IGF1R: variants seen among roughly 807,000 people sequenced by gnomAD.
IGF1R encodes the protein insulin like growth factor 1 receptor.
Under a neutral mutation model 144.6 loss-of-function variants are expected in IGF1R, and 44 were observed. The observed-to-expected ratio is 0.30, with a 90% CI of 0.24 to 0.39. IGF1R has a LOEUF of 0.39. Among genes scored for constraint, IGF1R ranks in the 10% least tolerant of loss-of-function variants. The pLI, the probability that IGF1R is intolerant of heterozygous loss-of-function variation, is 1.00. For synonymous variants in IGF1R, 795 were observed against 722.8 expected (o/e 1.10, Z -1.60); for missense variants, 1,355 against 1,833.7 (o/e 0.74, Z 4.77).
intron 1 of IGF1R, among the ~76,000 whole-genome samples, chr15:98,650,197 G>T (rs559022826): frequency 6.6e-6 from 1 of 152,176 alleles, no homozygotes; most frequent in Admixed American, 6.5e-5. Context: ...GCCCTCGAGG[G>T]GGGAGGTGCC....
In IGF1R at chr15:98,959,225, C is replaced by T. The variant is rs34756950; in HGVS notation, c.*1783C>T. 1.1e-4 allele frequency: 26 copies of T among 233,458 alleles called. No homozygotes were observed. The highest frequency in any genetic ancestry group is 1.9e-4 in the Non-Finnish European group (22 of 117,980). The allele number at this position is 233,458 out of a possible 1,614,324, so 14.5% of individuals were successfully genotyped here. ...TATATATTTTTTTAATTCTTGGGTA[C>T]AACAGCAGTGTTAACCGCAGACACT... On this transcript the variant is annotated 3_prime_UTR_variant, in exon 21 of 21. Coordinates refer to ENST00000650285, the MANE Select transcript of IGF1R (RefSeq NM_000875.5).
intron 1 of IGF1R, among the ~76,000 whole-genome samples, chr15:98,701,633 C>G (rs1332264505): frequency 6.6e-6 from 1 of 152,150 alleles, no homozygotes; most frequent in Non-Finnish European, 1.5e-5. Flanking sequence ...GCCGCCGCAC[C>G]CGGCCAACCT....
At position 98,648,755 on chromosome 15, in the gene IGF1R, G is replaced by A. The variant is rs2052255058; in HGVS notation, c.-827G>A. ...GGCCCCGCTCCCCGGATCCCCCCGCGCCCTCCACGCCCCTCCCGCGCGGGG... is the reference window on the plus strand; with the variant it reads ...GGCCCCGCTCCCCGGATCCCCCCGCACCCTCCACGCCCCTCCCGCGCGGGG... On this transcript the variant is annotated 5_prime_UTR_variant, in exon 1 of 21. Transcript: ENST00000650285. Among the ~76,000 whole-genome samples, 1 of 144,574 alleles carries A rather than the reference G, an allele frequency of 6.9e-6. No individual in the cohort carries two copies. Among genetic ancestry groups the A allele is most frequent in the African/African-American group, 2.6e-5 (1 of 38,418 alleles). 94.8% of individuals were successfully genotyped at this position (144,574 alleles called of 152,430 possible).
At chr15:98,944,760 G>GA (rs2016488977) in intron 19 of IGF1R, among the ~76,000 whole-genome samples, 1 of 152,346 alleles carries the variant, frequency 6.6e-6, no homozygotes, top group African/African-American at 2.4e-5. Flanking sequence ...GCTGCTGGTT[G>GA]AGCTTCTGCT....
intron 2 of IGF1R, among the ~76,000 whole-genome samples, chr15:98,761,663 A>C (rs1405217943): frequency 6.6e-6 from 1 of 152,330 alleles, no homozygotes; most frequent in African/African-American, 2.4e-5. Flanking sequence ...GCAGACTCCA[A>C]CCACATTTCC....
intron 2 of IGF1R, among the ~76,000 whole-genome samples, chr15:98,723,036 A>G (rs1226188879): frequency 2.0e-5 from 3 of 151,868 alleles, no homozygotes; most frequent in Non-Finnish European, 4.4e-5. Flanking sequence ...TGGGGTCCCA[A>G]GTCTAGGTTT....
At chr15:98,949,371 T>C (rs1257211547) in intron 20 of IGF1R, among the ~76,000 whole-genome samples, 1 of 144,784 alleles carries the variant, frequency 6.9e-6, no homozygotes, top group Non-Finnish European at 1.5e-5. Flanking sequence ...ATTTGTCTTC[T>C]CACTGCACTT....
At position 98,957,497 on chromosome 15, in the gene IGF1R, G is replaced by T. The variant is rs140896443; in HGVS notation, c.*55G>T. On this transcript the variant is annotated 3_prime_UTR_variant, in exon 21 of 21. Coordinates refer to ENST00000650285, the MANE Select transcript of IGF1R (RefSeq NM_000875.5). ...AACGTGTGCGCACGCGCAGCGGGGT[G>T]GGGGGGGAGAGAGAGTTTTAACAAT... is the stretch of plus-strand genomic sequence containing the variant. 260 of 1,562,122 alleles carry T rather than the reference G, an allele frequency of 1.7e-4. No homozygotes were observed. The highest frequency in any genetic ancestry group is 4.3e-4 in the Middle Eastern group (2 of 4,704).
At chr15:98,838,104 TGGGGTTCA>T (rs1299223635) in intron 2 of IGF1R, among the ~76,000 whole-genome samples, 1 of 152,238 alleles carries the variant, frequency 6.6e-6, no homozygotes, top group Non-Finnish European at 1.5e-5. Flanking sequence ...TGGACAGGTT[TGGGGTTCA>T]CCTTTATGAG....
At chr15:98,717,611 G>A (rs1339755464) in intron 2 of IGF1R, among the ~76,000 whole-genome samples, 1 of 152,144 alleles carries the variant, frequency 6.6e-6, no homozygotes. Context: ...CTATATCGGG[G>A]TGCCAGTGGA....
At chr15:98,743,111 A>G (rs1210054459) in intron 2 of IGF1R, among the ~76,000 whole-genome samples, 1 of 152,136 alleles carries the variant, frequency 6.6e-6, no homozygotes, top group African/African-American at 2.4e-5. Flanking sequence ...TTCCTTTTCT[A>G]CCAGTGACTA....
chr15:98,950,990 C>T (rs1356452825), intron 20 of IGF1R, among the ~76,000 whole-genome samples: 2 of 152,246 alleles, frequency 1.3e-5, no homozygotes, highest in Non-Finnish European at 2.9e-5. Context: ...GTGGGGAAGA[C>T]TGGATACACA....
intron 2 of IGF1R, among the ~76,000 whole-genome samples, chr15:98,850,946 C>T (rs537577920): frequency 6.6e-6 from 1 of 152,144 alleles, no homozygotes; most frequent in Non-Finnish European, 1.5e-5. Context: ...CCCTGGTATG[C>T]TCAGGGTCTA....
chr15:98,795,047 C>T (rs763931940), intron 2 of IGF1R, among the ~76,000 whole-genome samples: 3 of 152,322 alleles, frequency 2.0e-5, no homozygotes, highest in Middle Eastern at 3.4e-3. Flanking sequence ...TGTATCAGCT[C>T]AAGGAAGAAG....
At chr15:98,930,190 T>C (rs753240104) in intron 14 of IGF1R, 45 bp from the exon 15 acceptor site, 1 of 1,268,434 alleles carries the variant, frequency 7.9e-7, no homozygotes, top group East Asian at 2.3e-5. Flanking sequence ...TACAGGAATG[T>C]ATGGAGGTGG....
chr15:98,799,616 G>T (rs758286512), intron 2 of IGF1R, among the ~76,000 whole-genome samples: 4 of 152,196 alleles, frequency 2.6e-5, no homozygotes, highest in African/African-American at 7.2e-5. Context: ...TCAGTCCACA[G>T]GCAGAGGTGG....
chr15:98,738,370 C>A (rs1370520577), intron 2 of IGF1R, among the ~76,000 whole-genome samples: 1 of 152,156 alleles, frequency 6.6e-6, no homozygotes, highest in African/African-American at 2.4e-5. Context: ...AATGAGCGGG[C>A]TTTAAAGTGA....
At chr15:98,953,974 A>G (rs1392717854) in intron 20 of IGF1R, among the ~76,000 whole-genome samples, 1 of 152,124 alleles carries the variant, frequency 6.6e-6, no homozygotes, top group Non-Finnish European at 1.5e-5. Flanking sequence ...CGTGGTTCCT[A>G]AGACGACCCT....
Position 98,868,481 on chromosome 15 carries a change from G to A in IGF1R, c.641-22844G>A, listed in dbSNP as rs185076974. Among the ~76,000 whole-genome samples, 458 of 151,690 alleles carry A rather than the reference G, an allele frequency of 3.0e-3. 2 individuals are homozygous for A. The highest frequency in any genetic ancestry group is 0.011 in the African/African-American group (437 of 41,374). On this transcript the variant is annotated intron_variant, in intron 2 of 20. Transcript: ENST00000650285. ...AGTTCTGTCTCCTTGGCAAGATACA[G>A]CCTCTTAGACCCTCAGTCTGGGGAA... is the stretch of plus-strand genomic sequence containing the variant.
Sources: gnomAD v4.1 joint callset for allele counts (sites outside exome capture counted in the v4.1 genomes callset) on GRCh38, gnomAD v4.1.1 for gene constraint, MANE v1.5 for transcripts, NCBI Gene and HGNC (gene_info 2026-07-23, HGNC 2026-07-21) for gene names.